Variants in PRH1 observed in about 807,000 individuals in gnomAD.
The protein encoded by PRH1 is proline rich protein HaeIII subfamily 1.
Under a neutral mutation model 7.9 loss-of-function variants are expected in PRH1, and 7 were observed. The ratio of observed to expected loss-of-function variants is 0.89; its 90% CI spans 0.50 to 1.67. The LOEUF is 1.67. Ranked by LOEUF, PRH1 falls within the 40% of genes most tolerant of loss-of-function variation. PRH1 has a pLI of 0.00. For synonymous variants in PRH1, 45 were observed against 80.8 expected, an observed-to-expected ratio of 0.56 and a Z score of 2.38; for missense variants, 109 against 223.6, an observed-to-expected ratio of 0.49 and a Z score of 3.27.
intron 2 of PRH1, among the ~76,000 whole-genome samples, chr12:10,912,133 G>T (rs1196877141): frequency 6.6e-6 from 1 of 152,048 alleles, no homozygotes; most frequent in Admixed American, 6.5e-5. Context: ...TTCAATTGCT[G>T]TATAGTATTA....
upstream of PRH1, among the ~76,000 whole-genome samples, chr12:11,051,939 A>G (rs1432198386): frequency 6.6e-6 from 1 of 152,228 alleles, no homozygotes; most frequent in Non-Finnish European, 1.5e-5. Flanking sequence ...TAATTCTACA[A>G]TGAGCATTCT....
chr12:11,125,323 T>A (rs1479747561), intron 1 of PRH1, among the ~76,000 whole-genome samples: 1 of 152,300 alleles, frequency 6.6e-6, no homozygotes, highest in African/African-American at 2.4e-5. Flanking sequence ...GTTGGCTGTT[T>A]AATTTTGTTC....
At chr12:11,133,251 T>A in intron 1 of PRH1, 1 of 1,553,124 alleles carries the variant, frequency 6.4e-7, no homozygotes, top group Non-Finnish European at 8.7e-7. Flanking sequence ...GTAAGAAATA[T>A]AAAATGTTTC....
rs1156341441 is a variant in PRH1, at chr12:11,171,199, C to T, written n.39+223G>A. The T allele has an allele frequency of 1.7e-5, 7 of 419,000 alleles. No individual in the cohort carries two copies. The Admixed American group carries it at 3.1e-4, about 18-fold the overall frequency. 26.0% of individuals were successfully genotyped at this position (419,000 alleles called of 1,614,324 possible). On this transcript the variant is annotated intron_variant and non_coding_transcript_variant, in intron 1 of 1. Transcript: ENST00000541175. ...GGAGCGCCAGCGGCGCCCGGGGCTACGCGCCGCACTGCACCGAGCGGCGGC... is the reference window on the plus strand; with the variant it reads ...GGAGCGCCAGCGGCGCCCGGGGCTATGCGCCGCACTGCACCGAGCGGCGGC...
At chr12:11,136,734 T>C (rs762961683) in intron 1 of PRH1, among the ~76,000 whole-genome samples, 8 of 152,172 alleles carry the variant, frequency 5.3e-5, no homozygotes, top group Non-Finnish European at 1.2e-4. Flanking sequence ...ATATTTTCAA[T>C]AAGTCTCTTT....
intron 1 of PRH1, chr12:11,061,963 G>C: frequency 6.2e-7 from 1 of 1,613,940 alleles, no homozygotes; most frequent in South Asian, 1.1e-5. Flanking sequence ...GGAGAAATTG[G>C]CAATCTTGAG....
At chr12:11,071,848 C>T (rs1447375202) in intron 1 of PRH1, among the ~76,000 whole-genome samples, 4 of 152,294 alleles carry the variant, frequency 2.6e-5, no homozygotes, top group East Asian at 1.9e-4. Flanking sequence ...ACCAAGCTTG[C>T]AGGAGGACCC....
rs139253542 is a variant in PRH1 at position 10,922,825 on chromosome 12, C to CTTTTTTTTTTTTTT, written c.-58-38551_-58-38550insAAAAAAAAAAAAAA. 1.9e-3 allele frequency among the ~76,000 whole-genome samples: 213 copies of CTTTTTTTTTTTTTT among 113,556 alleles called. 59 individuals are homozygous for CTTTTTTTTTTTTTT. Among genetic ancestry groups the CTTTTTTTTTTTTTT allele is most frequent in the East Asian group, 4.2e-3 (14 of 3,314 alleles). The allele number at this position is 113,556 out of a possible 152,430, so 74.5% of individuals were successfully genotyped here. On this transcript the variant is annotated intron_variant, in intron 2 of 3. Coordinates refer to the PRH1 transcript ENST00000539853. ...ATTGCATCTTTTCCATGAATTTTTT[C>CTTTTTTTTTTTTTT]TTTTTCTTTTTTTTGAGACGGAGTC...
At chr12:10,927,468 A>T (rs1950139156) in intron 2 of PRH1, among the ~76,000 whole-genome samples, 1 of 152,208 alleles carries the variant, frequency 6.6e-6, no homozygotes, top group Non-Finnish European at 1.5e-5. Context: ...GCTAAAACTG[A>T]TCCAGTTTCC....
chr12:10,937,941 C>CACAT, intron 2 of PRH1: 1 of 209,720 alleles, frequency 4.8e-6, no homozygotes, highest in Non-Finnish European at 9.3e-6. Flanking sequence ...GTAACTGTGT[C>CACAT]ACATACATAC....
chr12:11,024,311 C>T (rs1941803784), intron 1 of PRH1, among the ~76,000 whole-genome samples: 1 of 152,200 alleles, frequency 6.6e-6, no homozygotes, highest in Non-Finnish European at 1.5e-5. Flanking sequence ...GTCATAAACA[C>T]TCATGTAACC....
chr12:11,047,064 G>A (rs1422890378), exon 1 of PRH1: 1 of 504,794 alleles, frequency 2.0e-6, no homozygotes, highest in Non-Finnish European at 4.1e-6. Context: ...ATCCAAACTA[G>A]CCTTCATGAT....
rs11054153 is a variant in PRH1, at chr12:11,006,932, T to C, written c.-125-33211A>G. Among the ~76,000 whole-genome samples the C allele has an allele frequency of 4.9e-4, 74 of 152,242 alleles. No homozygotes were observed. In the East Asian group the frequency reaches 0.014, roughly 28 times the overall value. The stretch of plus-strand genomic sequence containing the variant: ...TTAAAACTGATGTTGAAGTGAAAGG[T>C]GAATTCCCGTTTGCTAGTATGCAAA... On this transcript the variant is annotated intron_variant, in intron 1 of 3. Transcript: ENST00000539853.
intron 2 of PRH1, among the ~76,000 whole-genome samples, chr12:10,916,909 TAAAATAAAATAAAA>T (rs1949979692): frequency 1.3e-5 from 2 of 151,226 alleles, no homozygotes; most frequent in Non-Finnish European, 2.9e-5. Context: ...TAAAATAAAA[TAAAATAAAATAAAA>T]AAAATAGCTG....
chr12:10,902,567 C>T lies in PRH1; in HGVS notation c.-58-18292G>A, dbSNP rs190561745. On this transcript the variant is annotated intron_variant, in intron 2 of 3. Transcript: ENST00000539853. ...AATGAACATCACCAAAGCATATAGT[C>T]GCCAGACTATCCAAGGTCTACACTA... 2.4e-3 allele frequency among the ~76,000 whole-genome samples: 360 copies of T among 151,882 alleles called. 1 individual carries two copies. The highest frequency in any genetic ancestry group is 8.2e-3 in the African/African-American group (340 of 41,442).
At chr12:10,898,825 G>A (rs1052536285) in intron 2 of PRH1, among the ~76,000 whole-genome samples, 1 of 152,142 alleles carries the variant, frequency 6.6e-6, no homozygotes, top group African/African-American at 2.4e-5. Context: ...CCAGACACAC[G>A]GAACAGCATT....
chr12:11,169,046 A>G (rs1309475897), intron 1 of PRH1, among the ~76,000 whole-genome samples: 1 of 152,224 alleles, frequency 6.6e-6, no homozygotes, highest in Non-Finnish European at 1.5e-5. Context: ...GTATAAAAAT[A>G]TTAAGCAGTA....
At chr12:10,946,851 A>G (rs1950495238) in intron 2 of PRH1, among the ~76,000 whole-genome samples, 2 of 152,020 alleles carry the variant, frequency 1.3e-5, no homozygotes, top group South Asian at 4.1e-4. Context: ...TGTTCTTATT[A>G]TTTTTATAGA....
upstream of PRH1, among the ~76,000 whole-genome samples, chr12:10,887,726 T>A (rs556581021): frequency 4.7e-4 from 72 of 151,988 alleles, no homozygotes; most frequent in African/African-American, 1.7e-3. Flanking sequence ...AAAAAAAAAA[T>A]TATATCTAAA....
Sources: allele counts gnomAD v4.1 joint callset (sites outside exome capture counted in the v4.1 genomes callset), GRCh38; gene constraint gnomAD v4.1.1; transcripts MANE v1.5; gene names NCBI Gene and HGNC (gene_info 2026-07-23, HGNC 2026-07-21).